Variants in ROCK2 observed in about 807,000 individuals in gnomAD.
ROCK2 encodes the protein Rho associated coiled-coil containing protein kinase 2.
ROCK2 carries 61 observed loss-of-function variants against 195.1 expected under a neutral mutation model. The ratio of observed to expected loss-of-function variants is 0.31; its 90% CI spans 0.25 to 0.39. The LOEUF is 0.39. Among genes scored for constraint, ROCK2 ranks in the 10% least tolerant of loss-of-function variants. The pLI is 1.00. For missense variants in ROCK2, 1,109 were observed against 1,637.4 expected, an observed-to-expected ratio of 0.68 and a Z score of 5.57; for synonymous variants, 504 against 545.5, an observed-to-expected ratio of 0.92 and a Z score of 1.06.
At chr2:11,331,042 G>GGGAGGAGGA (rs140676493) in intron 1 of ROCK2, among the ~76,000 whole-genome samples, 2 of 130,350 alleles carry the variant, frequency 1.5e-5, no homozygotes, top group Non-Finnish European at 3.2e-5. Flanking sequence ...GGGAGGAGGA[G>GGGAGGAGGA]GGAGGAGGAG....
chr2:11,199,440 C>A (rs930387855), intron 23 of ROCK2, among the ~76,000 whole-genome samples: 1 of 151,662 alleles, frequency 6.6e-6, no homozygotes, highest in Admixed American at 6.6e-5. Flanking sequence ...CCTCAGCCCC[C>A]ATGAGTAGCT....
intron 32 of ROCK2, among the ~76,000 whole-genome samples, chr2:11,191,827 T>G (rs1476370975): frequency 2.6e-5 from 4 of 152,208 alleles, no homozygotes; most frequent in African/African-American, 7.2e-5. Flanking sequence ...CAGCCATTAT[T>G]TTGCTTAAAG....
Position 11,214,975 on chromosome 2 carries a change from C to T in ROCK2, c.1801G>A (p.Asp601Asn). The change falls in exon 16 of 33, where the codon GAT (aspartate) becomes AAT (asparagine). Residue 601 changes from aspartate (D) to asparagine (N), a missense_variant. This residue lies in a region of ROCK2 where 542 missense variants were observed against 672.0 expected (regional missense o/e 0.81). Transcript: ENST00000315872. ...QIQQLESNNR[D>N]LQDKNCLLET... ...AGCAGGCAGTTTTTATCTTGTAGAT[C>T]TCTATTGTTAGATTCCAGCTGCTGA... 2 of 1,614,058 alleles carry T rather than the reference C, an allele frequency of 1.2e-6. No individual in the cohort carries two copies. Among genetic ancestry groups the T allele is most frequent in the Non-Finnish European group, 1.7e-6 (2 of 1,179,990 alleles).
chr2:11,316,644 A>T (rs1023360263), intron 1 of ROCK2, among the ~76,000 whole-genome samples: 1 of 152,188 alleles, frequency 6.6e-6, no homozygotes, highest in Non-Finnish European at 1.5e-5. Context: ...GGTCTGGAAC[A>T]TGCAGGCTTT....
rs1173116040 is a variant in ROCK2, at chr2:11,281,208, T to TAAA, written c.324+5328_324+5330dup. Among the ~76,000 whole-genome samples, 36 of 100,582 alleles carry TAAA rather than the reference T, an allele frequency of 3.6e-4. 1 individual carries two copies. Among genetic ancestry groups the TAAA allele is most frequent in the African/African-American group, 1.4e-3 (35 of 25,328 alleles). 66.0% of individuals were successfully genotyped at this position (100,582 alleles called of 152,430 possible). On this transcript the variant is annotated intron_variant, in intron 3 of 32. Transcript: ENST00000315872. ...ACAAATCCAACACCCACTCATTATT[T>TAAA]AAAAAAAAAAAAAAAAAAAAAAACC...
intron 1 of ROCK2, among the ~76,000 whole-genome samples, chr2:11,343,179 C>A (rs1330762760): frequency 6.6e-6 from 1 of 152,182 alleles, no homozygotes; most frequent in Non-Finnish European, 1.5e-5. Flanking sequence ...ATCTACACTG[C>A]ACACTACTCA....
chr2:11,281,208 T>TAA lies in ROCK2; in HGVS notation c.324+5329_324+5330dup, dbSNP rs1173116040. Among the ~76,000 whole-genome samples the TAA allele has an allele frequency of 2.4e-3, 240 of 100,540 alleles. 3 individuals are homozygous for TAA. Among genetic ancestry groups the TAA allele is most frequent in the African/African-American group, 8.5e-3 (216 of 25,306 alleles). The allele number at this position is 100,540 out of a possible 152,430, so 66.0% of individuals were successfully genotyped here. A position where few individuals can be genotyped will look rare whatever the true frequency, so the allele number is the denominator to read the frequency against. The stretch of plus-strand genomic sequence containing the variant: ...ACAAATCCAACACCCACTCATTATT[T>TAA]AAAAAAAAAAAAAAAAAAAAAAACC... On this transcript the variant is annotated intron_variant, in intron 3 of 32. Transcript: ENST00000315872.
chr2:11,196,963 T>A (rs914289833), intron 27 of ROCK2, among the ~76,000 whole-genome samples: 3 of 152,034 alleles, frequency 2.0e-5, no homozygotes, highest in African/African-American at 7.2e-5. Context: ...AAACTAGACA[T>A]GTGGAGTTTT....
chr2:11,296,020 GAGAGAGAGAGAGA>G (rs1558370025), intron 1 of ROCK2, among the ~76,000 whole-genome samples: 18 of 86,912 alleles, frequency 2.1e-4, no homozygotes, highest in African/African-American at 5.7e-4. Flanking sequence ...GAGAGAGAGA[GAGAGAGAGAGAGA>G]GAGAGAGAGA....
At chr2:11,234,976 A>G (rs1180820335) in intron 5 of ROCK2, among the ~76,000 whole-genome samples, 1 of 152,184 alleles carries the variant, frequency 6.6e-6, no homozygotes, top group Non-Finnish European at 1.5e-5. Context: ...AACATACAAA[A>G]GATGAAATAC....
intron 1 of ROCK2, chr2:11,308,047 T>C: frequency 2.5e-6 from 4 of 1,596,070 alleles, no homozygotes; most frequent in Non-Finnish European, 3.4e-6. Flanking sequence ...ACCCGGAGTC[T>C]GCTGCAGCGC....
intron 3 of ROCK2, among the ~76,000 whole-genome samples, chr2:11,276,842 CAGG>C (rs1477227285): frequency 6.6e-6 from 1 of 151,928 alleles, no homozygotes; most frequent in Admixed American, 6.6e-5. Context: ...ATAGACGTAA[CAGG>C]AGGAAGGAAT....
intron 1 of ROCK2, among the ~76,000 whole-genome samples, chr2:11,317,612 A>ATATATTTTTTTTTT (rs59701503): frequency 1.6e-4 from 3 of 19,312 alleles, no homozygotes; most frequent in African/African-American, 3.2e-4. Flanking sequence ...ATATATATAT[A>ATATATTTTTTTTTT]TTTTTTTTTT....
In ROCK2 at chr2:11,182,952, CTA is replaced by C. The variant is rs4027163; in HGVS notation, c.*483_*484del. The C allele has an allele frequency of 0.9, 134,020 of 148,880 alleles. 60,345 individuals carry two copies. The highest frequency in any genetic ancestry group is 0.94 in the East Asian group (4,750 of 5,058). The allele number at this position is 148,880 out of a possible 1,614,324, so 9.2% of individuals were successfully genotyped here. On this transcript the variant is annotated 3_prime_UTR_variant, in exon 33 of 33. Transcript: ENST00000315872. Reference sequence around the variant, plus strand: ...AAAACCTTCTTGCAGTATTAGAGTACTATATATATATATATATATGTGTGTGT... The same window carrying C: ...AAAACCTTCTTGCAGTATTAGAGTACTATATATATATATATATGTGTGTGT...
chr2:11,325,362 T>C (rs1363461922), intron 1 of ROCK2, among the ~76,000 whole-genome samples: 3 of 152,212 alleles, frequency 2.0e-5, no homozygotes, highest in Non-Finnish European at 4.4e-5. Context: ...CTGTACATAT[T>C]TGTCTTGTCC....
intron 3 of ROCK2, among the ~76,000 whole-genome samples, chr2:11,256,750 T>C (rs1357140186): frequency 6.6e-6 from 1 of 151,256 alleles, no homozygotes; most frequent in African/African-American, 2.5e-5. Context: ...GTAATTTAGA[T>C]AAAAGGGGTA....
chr2:11,336,480 G>A (rs1668931537), intron 1 of ROCK2, among the ~76,000 whole-genome samples: 1 of 152,064 alleles, frequency 6.6e-6, no homozygotes, highest in Non-Finnish European at 1.5e-5. Context: ...CAAACTTCTA[G>A]CCTCAAGCAA....
At position 11,317,627 on chromosome 2, in the gene ROCK2, T is replaced by TTAA. The variant is rs1192587957; in HGVS notation, c.141+26368_141+26369insTTA. 9.5e-5 allele frequency among the ~76,000 whole-genome samples: 3 copies of TTAA among 31,424 alleles called. 1 individual carries two copies. Among genetic ancestry groups the TTAA allele is most frequent in the East Asian group, 3.3e-3 (2 of 612 alleles). The allele number at this position is 31,424 out of a possible 152,430, so 20.6% of individuals were successfully genotyped here. A position where few individuals can be genotyped will look rare whatever the true frequency, so the allele number is the denominator to read the frequency against. On this transcript the variant is annotated intron_variant, in intron 1 of 32. Transcript: ENST00000315872. ...ATATATATATATTTTTTTTTTTTTT[T>TTAA]AATTATACTTTAAGTTCTAGGGTAC...
At chr2:11,253,606 T>G (rs1214417026) in intron 3 of ROCK2, among the ~76,000 whole-genome samples, 3 of 152,242 alleles carry the variant, frequency 2.0e-5, no homozygotes, top group Non-Finnish European at 1.5e-5. Flanking sequence ...GAATGTAAAT[T>G]CAACAAGGAT....
Sources: allele counts gnomAD v4.1 joint callset (sites outside exome capture counted in the v4.1 genomes callset), GRCh38; gene constraint gnomAD v4.1.1; regional missense constraint gnomAD v4.1.1; transcripts MANE v1.5; gene names NCBI Gene and HGNC (gene_info 2026-07-23, HGNC 2026-07-21).